Variants in ZRANB3 observed in about 807,000 individuals in gnomAD.
The protein encoded by ZRANB3 is zinc finger RANBP2-type containing 3.
ZRANB3 carries 125 observed loss-of-function variants against 133.8 expected under a neutral mutation model. The observed-to-expected ratio is 0.93, with a 90% CI of 0.81 to 1.08. ZRANB3 has a LOEUF of 1.08. ZRANB3 is among the 50% of genes least tolerant of loss of function. The pLI is 0.00. For synonymous variants in ZRANB3, 387 were observed against 432.7 expected (o/e 0.89, Z 1.31); for missense variants, 1,229 against 1,275.5 (o/e 0.96, Z 0.56).
intron 8 of ZRANB3, among the ~76,000 whole-genome samples, chr2:135,299,133 G>A (rs148432760): frequency 3.3e-5 from 5 of 152,100 alleles, no homozygotes; most frequent in Non-Finnish European, 5.9e-5. Context: ...CAGGTCGCAG[G>A]GTTAGTTGTG....
At chr2:135,273,143 G>C (rs1480736750) in intron 9 of ZRANB3, among the ~76,000 whole-genome samples, 5 of 148,466 alleles carry the variant, frequency 3.4e-5, no homozygotes, top group Non-Finnish European at 7.4e-5. Flanking sequence ...TGGAGATCTA[G>C]CCACTGCACT....
At chr2:135,277,840 G>A (rs1459701416) in intron 8 of ZRANB3, among the ~76,000 whole-genome samples, 4 of 150,984 alleles carry the variant, frequency 2.6e-5, no homozygotes, top group African/African-American at 4.9e-5. Flanking sequence ...CAGGAGAATC[G>A]CTTGAACCTG....
intron 8 of ZRANB3, among the ~76,000 whole-genome samples, chr2:135,291,296 C>A (rs1558891337): frequency 6.6e-6 from 1 of 152,232 alleles, no homozygotes; most frequent in Admixed American, 6.5e-5. Context: ...GATTCTCCAG[C>A]CTCAGCATCC....
chr2:135,247,822 G>A (rs1573754621), intron 12 of ZRANB3, among the ~76,000 whole-genome samples: 1 of 152,182 alleles, frequency 6.6e-6, no homozygotes, highest in African/African-American at 2.4e-5. Flanking sequence ...AGCTGTTCCA[G>A]TCTTCCAGCT....
intron 12 of ZRANB3, among the ~76,000 whole-genome samples, chr2:135,247,608 G>C (rs1246814762): frequency 6.6e-6 from 1 of 152,046 alleles, no homozygotes; most frequent in African/African-American, 2.4e-5. Flanking sequence ...GAAGTGGGAG[G>C]TTAGACTCCT....
chr2:135,501,773 C>T (rs544078973), intron 2 of ZRANB3, among the ~76,000 whole-genome samples: 2 of 152,238 alleles, frequency 1.3e-5, no homozygotes, highest in South Asian at 2.1e-4. Flanking sequence ...TGGACTGATT[C>T]GCCATGATTC....
intron 17 of ZRANB3, among the ~76,000 whole-genome samples, chr2:135,212,406 C>T (rs1404364314): frequency 6.6e-6 from 1 of 152,134 alleles, no homozygotes; most frequent in Admixed American, 6.6e-5. Flanking sequence ...TTAAGCCTTG[C>T]CTGAGGTATT....
At chr2:135,267,609 A>G (rs1266566113) in intron 11 of ZRANB3, among the ~76,000 whole-genome samples, 1 of 152,146 alleles carries the variant, frequency 6.6e-6, no homozygotes, top group Non-Finnish European at 1.5e-5. Context: ...ATAATCCATT[A>G]CCCAGTCAAT....
Position 135,504,472 on chromosome 2 carries a change from G to T in ZRANB3, c.18C>A (p.Asn6Lys). 1.2e-6 allele frequency: 2 copies of T among 1,612,230 alleles called. No individual in the cohort carries two copies. Among genetic ancestry groups the T allele is most frequent in the Non-Finnish European group, 1.7e-6 (2 of 1,179,310 alleles). ...TGTGAGGTGTAAGAGACTTTTTTATGTTATGAACCCTAGGCATGATGATCC... is the reference window on the plus strand; with the variant it reads ...TGTGAGGTGTAAGAGACTTTTTTATTTTATGAACCCTAGGCATGATGATCC... MPRVH[N>K]IKKSLTPHIS... Residue 6 changes from asparagine to lysine, a missense_variant, in exon 2 of 21, where the codon AAC becomes AAA. By Grantham distance (94) the Asn-to-Lys change is moderately conservative (BLOSUM62 0). Transcript: ENST00000264159.
chr2:135,342,106 G>C lies in ZRANB3; in HGVS notation c.677+3444C>G, dbSNP rs7582810. 1.1e-4 allele frequency among the ~76,000 whole-genome samples: 16 copies of C among 149,806 alleles called. No individual in the cohort carries two copies. The East Asian group carries it at 3.1e-3, about 29-fold the overall frequency. ...GCTAATAAAAACTTGCTGGTTTTACGGCTCAGGGGGCATCACAGAACCTGC... is the reference window on the plus strand; with the variant it reads ...GCTAATAAAAACTTGCTGGTTTTACCGCTCAGGGGGCATCACAGAACCTGC... On this transcript the variant is annotated intron_variant, in intron 6 of 20. Coordinates refer to ENST00000264159, the MANE Select transcript of ZRANB3 (RefSeq NM_032143.4).
chr2:135,261,390 T>C (rs1307597011), intron 12 of ZRANB3, among the ~76,000 whole-genome samples: 3 of 152,140 alleles, frequency 2.0e-5, no homozygotes, highest in Non-Finnish European at 4.4e-5. Context: ...CACACCCACC[T>C]AAAGTCAATC....
chr2:135,360,865 C>G (rs1486608909), intron 3 of ZRANB3, among the ~76,000 whole-genome samples: 1 of 152,164 alleles, frequency 6.6e-6, no homozygotes, highest in Non-Finnish European at 1.5e-5. Context: ...CTCCTGGGCT[C>G]AAGCGGTTCT....
At chr2:135,397,440 C>A (rs191870246) in intron 2 of ZRANB3, among the ~76,000 whole-genome samples, 1 of 145,788 alleles carries the variant, frequency 6.9e-6, no homozygotes, top group East Asian at 2.2e-4. Context: ...AAAGCCAGAC[C>A]CTGACTCAAA....
At chr2:135,356,934 T>TTA (rs1685465180) in intron 3 of ZRANB3, among the ~76,000 whole-genome samples, 1 of 152,274 alleles carries the variant, frequency 6.6e-6, no homozygotes, top group South Asian at 2.1e-4. Flanking sequence ...TCCACCTACC[T>TTA]TAGCCTTCCA....
intron 2 of ZRANB3, among the ~76,000 whole-genome samples, chr2:135,488,596 T>C (rs926753834): frequency 4.3e-4 from 65 of 151,292 alleles, no homozygotes; most frequent in African/African-American, 1.5e-3. Context: ...CCACAATATA[T>C]GCAAAGCACA....
intron 2 of ZRANB3, among the ~76,000 whole-genome samples, chr2:135,425,875 A>G (rs1296483842): frequency 6.6e-6 from 1 of 152,122 alleles, no homozygotes; most frequent in Non-Finnish European, 1.5e-5. Flanking sequence ...GAGATACGAA[A>G]AAAAAACCAT....
intron 3 of ZRANB3, among the ~76,000 whole-genome samples, chr2:135,364,517 G>A (rs930257003): frequency 1.3e-5 from 2 of 152,288 alleles, no homozygotes; most frequent in East Asian, 1.9e-4. Context: ...GGAGGCTGAG[G>A]TGGGCGGATA....
chr2:135,335,906 A>AG (rs1684350565), intron 6 of ZRANB3, among the ~76,000 whole-genome samples: 1 of 152,130 alleles, frequency 6.6e-6, no homozygotes, highest in Non-Finnish European at 1.5e-5. Flanking sequence ...GGAAAAAAAA[A>AG]CAACATAAAA....
intron 2 of ZRANB3, among the ~76,000 whole-genome samples, chr2:135,486,743 A>G (rs540746291): frequency 8.3e-4 from 126 of 152,084 alleles, no homozygotes; most frequent in African/African-American, 2.7e-3. Context: ...CAAACTCCTG[A>G]CCTCAGGTGA....
Sources: allele counts gnomAD v4.1 joint callset (sites outside exome capture counted in the v4.1 genomes callset), GRCh38; gene constraint gnomAD v4.1.1; transcripts MANE v1.5; gene names NCBI Gene and HGNC (gene_info 2026-07-23, HGNC 2026-07-21).